PPEF1: variants seen among roughly 807,000 people sequenced by gnomAD.
PPEF1 encodes the protein serine/threonine-protein phosphatase with EF-hands 1.
A neutral mutation model predicts 53.3 loss-of-function variants in PPEF1; 12 were observed. That is an observed-to-expected ratio of 0.23 (90% CI 0.14 to 0.36). The LOEUF (loss-of-function observed/expected upper bound fraction) is 0.36, where lower values mean the gene tolerates loss of function less well. Among genes scored for constraint, PPEF1 ranks in the 10% least tolerant of loss-of-function variants. The pLI is 1.00. For synonymous variants in PPEF1, 165 were observed against 176.7 expected (o/e 0.93, Z 0.52); for missense variants, 334 against 490.4 (o/e 0.68, Z 3.01).
chrX:18,749,037 G>A (rs965477210), intron 3 of PPEF1, among the ~76,000 whole-genome samples: 1 of 111,519 alleles, frequency 9.0e-6, no homozygotes, highest in African/African-American at 3.3e-5. Context: ...GTTTCCTTTC[G>A]TCTTTCTCTG....
upstream of PPEF1, among the ~76,000 whole-genome samples, chrX:18,678,300 G>A (rs1039449038): frequency 9.1e-6 from 1 of 109,328 alleles, no homozygotes; most frequent in African/African-American, 3.3e-5. Flanking sequence ...CAGGCATGGT[G>A]GCGCACACCT....
chrX:18,691,874 A>G (rs898778645), intron 4 of PPEF1, among the ~76,000 whole-genome samples: 4 of 112,152 alleles, frequency 3.6e-5, no homozygotes, highest in Non-Finnish European at 7.5e-5. Context: ...GTGCAGGTTT[A>G]GATGGACTAT....
Position 18,823,917 on chromosome X carries a change from T to C in PPEF1, c.1502-6T>C, listed in dbSNP as rs1161738128. 3.5e-5 allele frequency: 42 copies of C among 1,203,594 alleles called. No individual in the cohort carries two copies. Among genetic ancestry groups the C allele is most frequent in the Non-Finnish European group, 4.3e-5 (38 of 891,822 alleles). ...ATCATTTGGGCTTTGTTATTGTTGT[T>C]GTTAGGAAAACTTTCTGTGAGCCAG... On this transcript the variant is annotated splice_region_variant and splice_polypyrimidine_tract_variant and intron_variant, in intron 13 of 15. Coordinates refer to ENST00000470157, the MANE Select transcript of PPEF1 (RefSeq NM_001377996.1).
chrX:18,731,308 T>A (rs1223675327), intron 2 of PPEF1, among the ~76,000 whole-genome samples: 1 of 112,121 alleles, frequency 8.9e-6, no homozygotes, highest in Admixed American at 9.5e-5. Context: ...TCATTTTTAT[T>A]TGAAATTATT....
rs1218754697 is a variant in PPEF1 at position 18,761,440 on chromosome X, C to T, written c.512-90C>T. 3.7e-6 allele frequency: 3 copies of T among 803,743 alleles called. No individual in the cohort carries two copies. In the Admixed American group the frequency reaches 6.8e-5, roughly 18 times the overall value. 66.2% of individuals were successfully genotyped at this position (803,743 alleles called of 1,213,427 possible). ...GGATAAAAACCCAATGCCCTGAGAA[C>T]ACTTGGAGTGGATCAGCAGTATTTC... On this transcript the variant is annotated intron_variant, in intron 5 of 15. Transcript: ENST00000470157.
At chrX:18,716,500 A>G (rs1045152597) in intron 1 of PPEF1, among the ~76,000 whole-genome samples, 3 of 99,152 alleles carry the variant, frequency 3.0e-5, no homozygotes, top group Admixed American at 1.1e-4. Context: ...CCACTGCACT[A>G]CAGCCTGGGC....
Position 18,823,964 on chromosome X carries a change from AT to A in PPEF1, c.1547del (p.Leu516TrpfsTer3). 1 of 1,209,800 alleles carries A rather than the reference AT, an allele frequency of 8.3e-7. No individual in the cohort carries two copies. The highest frequency in any genetic ancestry group is 1.1e-6 in the Non-Finnish European group (1 of 894,180). On this transcript the variant is annotated frameshift_variant, in exon 14 of 16. Coordinates refer to ENST00000470157, the MANE Select transcript of PPEF1 (RefSeq NM_001377996.1). LOFTEE classifies it high-confidence loss of function. ...VSQWAFCMEN[I>X]LGLNLPWRSL... ...CCAGTGGGCTTTTTGCATGGAGAAC[AT>A]TTTGGGGCTGAACTTACCATGGAGA... is the stretch of plus-strand genomic sequence containing the variant.
chrX:18,690,007 GACCCCCC>G (rs1390701661), intron 3 of PPEF1, among the ~76,000 whole-genome samples: 1 of 109,715 alleles, frequency 9.1e-6, no homozygotes, highest in Non-Finnish European at 1.9e-5. Context: ...GGCTTTGCTC[GACCCCCC>G]ACCTCACTCT....
At chrX:18,790,356 T>C (rs190661432) in intron 10 of PPEF1, among the ~76,000 whole-genome samples, 23 of 112,305 alleles carry the variant, frequency 2.0e-4, no homozygotes, top group Admixed American at 6.6e-4. Flanking sequence ...ACAAATCCTT[T>C]ATCAGGTATA....
At chrX:18,705,954 C>A (rs937260110), upstream of PPEF1, among the ~76,000 whole-genome samples, 2 of 110,517 alleles carry the variant, frequency 1.8e-5, no homozygotes, top group African/African-American at 6.6e-5. Context: ...CAGTTGTTTG[C>A]TGACTTTGTG....
chrX:18,708,160 A>G (rs955620432), intron 1 of PPEF1, among the ~76,000 whole-genome samples: 2 of 112,554 alleles, frequency 1.8e-5, no homozygotes, highest in African/African-American at 3.2e-5. Flanking sequence ...ATAAATAGCT[A>G]TATCCCTACT....
chrX:18,691,093 A>T (rs1398507119), exon 4 of PPEF1: 1 of 111,841 alleles, frequency 8.9e-6, no homozygotes, highest in South Asian at 3.8e-4. Context: ...CTCGAGGGAA[A>T]GGTAAGAGAA....
At chrX:18,721,526 G>A (rs928437769) in intron 1 of PPEF1, among the ~76,000 whole-genome samples, 6 of 111,091 alleles carry the variant, frequency 5.4e-5, no homozygotes, top group African/African-American at 2.0e-4. Context: ...GGATGAGTTA[G>A]AGTATTTGGT....
chrX:18,807,014 TG>T (rs60879452), intron 12 of PPEF1, among the ~76,000 whole-genome samples: 7,048 of 31,661 alleles, frequency 0.22, 647 homozygotes, highest in African/African-American at 0.47. Context: ...GTTTTTTTTT[TG>T]TTTGTTTTTT....
intron 1 of PPEF1, among the ~76,000 whole-genome samples, chrX:18,711,080 G>A (rs1012915066): frequency 9.3e-5 from 9 of 96,745 alleles, no homozygotes; most frequent in East Asian, 3.2e-4. Flanking sequence ...GTATATATAT[G>A]TGTGTGTGTG....
At chrX:18,687,039 T>A (rs1929112740) in intron 3 of PPEF1, among the ~76,000 whole-genome samples, 1 of 111,474 alleles carries the variant, frequency 9.0e-6, no homozygotes, top group African/African-American at 3.3e-5. Context: ...CTGCTCCTCC[T>A]CCAGGCATTG....
chrX:18,704,347 T>C (rs1316164598), upstream of PPEF1, among the ~76,000 whole-genome samples: 4 of 111,688 alleles, frequency 3.6e-5, no homozygotes, highest in Non-Finnish European at 5.6e-5. Context: ...GGGGATTCCT[T>C]GCATCAAAGT....
At chrX:18,782,241 A>G in intron 7 of PPEF1, 125 bp from the exon 8 acceptor site, 1 of 566,062 alleles carries the variant, frequency 1.8e-6, no homozygotes, top group Non-Finnish European at 2.9e-6. Flanking sequence ...TAACACTTCC[A>G]ACTGAACTCT....
At chrX:18,759,576 G>C (rs1375679913) in intron 5 of PPEF1, among the ~76,000 whole-genome samples, 2 of 111,597 alleles carry the variant, frequency 1.8e-5, no homozygotes, top group African/African-American at 6.5e-5. Context: ...CATGGTACGA[G>C]TTTTTCTTTC....
Sources: gnomAD v4.1 joint callset for allele counts (sites outside exome capture counted in the v4.1 genomes callset) on GRCh38, gnomAD v4.1.1 for gene constraint, MANE v1.5 for transcripts, NCBI Gene and HGNC (gene_info 2026-07-23, HGNC 2026-07-21) for gene names.